The following KCNN1 variants were observed in gnomAD, a reference collection of about 807,000 sequenced individuals.
KCNN1 encodes small conductance calcium-activated potassium channel protein 1.
In KCNN1, 20 loss-of-function variants were observed where a neutral mutation model predicts 44.7. The observed-to-expected ratio is 0.45, with a 90% confidence interval of 0.32 to 0.65. KCNN1 has a LOEUF of 0.65. Ranked by LOEUF, KCNN1 falls within the 30% of genes least tolerant of loss-of-function variation. The probability of loss-of-function intolerance (pLI) is 0.05; values close to 1 mark genes in which losing one functional copy is unlikely to be tolerated. For synonymous variants in KCNN1, 324 were observed against 341.7 expected (o/e 0.95, Z 0.57); for missense variants, 632 against 785.3 (o/e 0.80, Z 2.33).
intron 3 of KCNN1, among the ~76,000 whole-genome samples, chr19:17,975,889 T>C (rs1189172318): frequency 6.6e-6 from 1 of 152,024 alleles, no homozygotes; most frequent in African/African-American, 2.4e-5. Flanking sequence ...TTGTATTGTC[T>C]TGTCAGTGTC....
rs545423431 is a variant in KCNN1 at position 17,987,698 on chromosome 19, C to T, written c.1060-717C>T. On this transcript the variant is annotated intron_variant, in intron 5 of 9. Coordinates refer to ENST00000684775, the MANE Select transcript of KCNN1 (RefSeq NM_001386974.1). ...CTGCTCAGGCTCAGGGTGTTGGCAT[C>T]TAAACCTGCCTGGGGCTGGGCATGG... is the stretch of plus-strand genomic sequence containing the variant. Among the ~76,000 whole-genome samples, 6 of 152,080 alleles carry T rather than the reference C, an allele frequency of 3.9e-5. No homozygotes were observed. The South Asian group carries it at 6.2e-4, about 16-fold the overall frequency.
chr19:17,985,279 G>C (rs1171021148), intron 4 of KCNN1, 33 bp from the exon 5 acceptor site: 1 of 1,559,842 alleles, frequency 6.4e-7, no homozygotes, highest in Non-Finnish European at 8.7e-7. Flanking sequence ...GGTATAGACT[G>C]AGCCCTCCCT....
intron 1 of KCNN1, among the ~76,000 whole-genome samples, chr19:17,952,999 C>G (rs2031453511): frequency 6.6e-6 from 1 of 152,156 alleles, no homozygotes; most frequent in Non-Finnish European, 1.5e-5. Context: ...GATCCTCTGC[C>G]CCCGCCGCCG....
Position 17,998,014 on chromosome 19 carries a change from C to A in KCNN1, c.1378-138C>A. 2 of 932,640 alleles carry A rather than the reference C, an allele frequency of 2.1e-6. No individual in the cohort carries two copies. Among genetic ancestry groups the A allele is most frequent in the Non-Finnish European group, 3.0e-6 (2 of 657,440 alleles). 57.8% of individuals were successfully genotyped at this position (932,640 alleles called of 1,614,324 possible). On this transcript the variant is annotated intron_variant, in intron 9 of 9. Transcript: ENST00000684775. This position sits in a 1 kb window ranked among gnomAD's most constrained non-coding sequence, Gnocchi z 5.4. ...GGGCTGGGGGTATCCTCCCAGCCAC[C>A]CCTCACACGGGCCCCATTAGTGGCT...
chr19:17,970,163 C>G (rs1424733077), intron 1 of KCNN1, among the ~76,000 whole-genome samples: 6 of 150,590 alleles, frequency 4.0e-5, no homozygotes, highest in Non-Finnish European at 8.9e-5. Context: ...TGCGGGAGGT[C>G]AGGCCTTACA....
chr19:17,978,680 T>C (rs1449136874), intron 3 of KCNN1, among the ~76,000 whole-genome samples: 3 of 151,440 alleles, frequency 2.0e-5, no homozygotes, highest in Admixed American at 2.0e-4. Flanking sequence ...CTCAAACTCC[T>C]GGGCTAGAGT....
chr19:17,984,638 G>C (rs1387605265), intron 4 of KCNN1, among the ~76,000 whole-genome samples: 1 of 152,178 alleles, frequency 6.6e-6, no homozygotes, highest in Admixed American at 6.5e-5. Flanking sequence ...ATGGCCACAG[G>C]CAGAACCTCT....
At chr19:17,959,112 G>A (rs2031617589) in intron 2 of KCNN1, among the ~76,000 whole-genome samples, 1 of 150,674 alleles carries the variant, frequency 6.6e-6, no homozygotes, top group African/African-American at 2.4e-5. Context: ...CTGCTTCCCA[G>A]GTTCAAGCGA....
upstream of KCNN1, among the ~76,000 whole-genome samples, chr19:17,965,624 G>A (rs908734768): frequency 1.3e-5 from 2 of 152,100 alleles, no homozygotes; most frequent in African/African-American, 4.8e-5. Context: ...AGGGGTGGCT[G>A]GTTCTCAGGT....
At chr19:17,988,909 TAA>T (rs778235667) in intron 6 of KCNN1, among the ~76,000 whole-genome samples, 30 of 137,370 alleles carry the variant, frequency 2.2e-4, no homozygotes, top group Non-Finnish European at 2.1e-4. Context: ...AGACTCCGTT[TAA>T]AAAAAAAAAA....
chr19:17,973,908 A>T lies in KCNN1; in HGVS notation c.20A>T (p.Asn7Ile). The T allele has an allele frequency of 1.3e-6, 2 of 1,554,414 alleles. No homozygotes were observed. The highest frequency in any genetic ancestry group is 1.7e-6 in the Non-Finnish European group (2 of 1,151,252). Residue 7 changes from asparagine to isoleucine, a missense_variant, in exon 2 of 10, where the codon AAT (asparagine) becomes ATT (isoleucine). Physicochemically the swap from Asn to Ile is moderately radical, Grantham distance 149. Coordinates refer to ENST00000684775, the MANE Select transcript of KCNN1 (RefSeq NM_001386974.1). ...GTAGTCATGAACAGCCACAGCTACAATGGCAGCGTGGGGCGGCCGCTGGGC... is the reference window on the plus strand; with the variant it reads ...GTAGTCATGAACAGCCACAGCTACATTGGCAGCGTGGGGCGGCCGCTGGGC... MNSHSY[N>I]GSVGRPLGSG...
Position 17,993,378 on chromosome 19 carries a change from T to C in KCNN1, c.1308-112T>C, listed in dbSNP as rs1347722099. On this transcript the variant is annotated intron_variant, in intron 8 of 9. Coordinates refer to ENST00000684775, the MANE Select transcript of KCNN1 (RefSeq NM_001386974.1). This position sits in a 1 kb window ranked among gnomAD's most constrained non-coding sequence, Gnocchi z 4.5. The stretch of plus-strand genomic sequence containing the variant: ...CGGCCTCCCAACTCCCACCTCATCC[T>C]CTGATGCATGTCCCATAGGTGACCC... 14 of 784,112 alleles carry C rather than the reference T, an allele frequency of 1.8e-5. No individual in the cohort carries two copies. Among genetic ancestry groups the C allele is most frequent in the Non-Finnish European group, 3.1e-5 (14 of 456,590 alleles). The allele number at this position is 784,112 out of a possible 1,614,324, so 48.6% of individuals were successfully genotyped here.
intron 2 of KCNN1, among the ~76,000 whole-genome samples, chr19:17,961,628 C>T (rs2031683496): frequency 6.9e-6 from 1 of 145,372 alleles, no homozygotes; most frequent in Non-Finnish European, 1.5e-5. Context: ...GTTGCCCAGG[C>T]TGGAGTGCAA....
chr19:17,951,947 C>T (rs562328295), intron 1 of KCNN1, among the ~76,000 whole-genome samples: 4 of 152,376 alleles, frequency 2.6e-5, no homozygotes, highest in East Asian at 1.9e-4. Flanking sequence ...TCAGTTTCCC[C>T]GTCTGTAAGA....
chr19:17,964,782 G>A (rs991623103), upstream of KCNN1, among the ~76,000 whole-genome samples: 1 of 152,188 alleles, frequency 6.6e-6, no homozygotes, highest in Admixed American at 6.5e-5. The surrounding 1 kb of genome is among the most constrained non-coding windows in gnomAD (Gnocchi z 4.3). Flanking sequence ...GATTGTCCAA[G>A]TTCCACTTCT....
chr19:17,985,840 C>T (rs2032576105), intron 5 of KCNN1, among the ~76,000 whole-genome samples: 1 of 152,242 alleles, frequency 6.6e-6, no homozygotes, highest in Non-Finnish European at 1.5e-5. Context: ...TTAGTTTCCT[C>T]AGCTGTGACC....
At chr19:17,991,633 G>A (rs1568459821) in intron 7 of KCNN1, among the ~76,000 whole-genome samples, 2 of 152,088 alleles carry the variant, frequency 1.3e-5, no homozygotes, top group Admixed American at 6.6e-5. Flanking sequence ...AGCTGAGATC[G>A]CACCACTGCA....
chr19:17,981,568 A>G (rs1428867774), intron 3 of KCNN1, 141 bp from the exon 4 acceptor site: 9 of 642,736 alleles, frequency 1.4e-5, no homozygotes, highest in Non-Finnish European at 2.2e-5. Context: ...AAAAAAAAAA[A>G]GAAAGAAAGA....
In KCNN1 at chr19:17,981,973, G is replaced by A. The variant is rs761773532; in HGVS notation, c.763G>A (p.Ala255Thr). ...ACTGCACAGCAAAATCTTCACGGAC[G>A]CCTCGAGCCGCAGCATCGGGGCCCT... ...MLLHSKIFTD[A>T]SSRSIGALNK... Residue 255 changes from alanine (A) to threonine (T), a missense_variant, in exon 4 of 10, where the codon GCC (alanine) becomes ACC (threonine). By Grantham distance (58) the Ala-to-Thr change is moderately conservative. Around this residue, in one of 3 missense-constraint regions of KCNN1, gnomAD observed 160 missense variants for 308.3 expected, o/e 0.52. Transcript: ENST00000684775. 2.5e-6 allele frequency: 4 copies of A among 1,606,942 alleles called. No individual in the cohort carries two copies. The highest frequency in any genetic ancestry group is 1.7e-4 in the Middle Eastern group (1 of 6,050).
Sources: allele counts gnomAD v4.1 joint callset (sites outside exome capture counted in the v4.1 genomes callset), GRCh38; gene constraint gnomAD v4.1.1; regional missense constraint gnomAD v4.1.1; non-coding constraint Gnocchi (gnomAD v3.1); transcripts MANE v1.5; gene names NCBI Gene and HGNC (gene_info 2026-07-23, HGNC 2026-07-21).